Variants in ACBD6 observed in about 807,000 individuals in gnomAD.
ACBD6 encodes the protein acyl-CoA-binding domain-containing protein 6.
In ACBD6, 28 loss-of-function variants were observed where a neutral mutation model predicts 37.2. That is an observed-to-expected ratio of 0.75 (90% CI 0.56 to 1.03). The LOEUF is 1.03. Ranked by LOEUF, ACBD6 falls within the 50% of genes least tolerant of loss-of-function variation. The probability of loss-of-function intolerance (pLI) is 0.00; values close to 1 mark genes in which losing one functional copy is unlikely to be tolerated. For missense variants in ACBD6, 340 were observed against 337.4 expected (o/e 1.01, Z -0.06); for synonymous variants, 113 against 126.8 (o/e 0.89, Z 0.73).
At chr1:180,448,885 A>C (rs949690256) in intron 3 of ACBD6, among the ~76,000 whole-genome samples, 1 of 152,070 alleles carries the variant, frequency 6.6e-6, no homozygotes, top group African/African-American at 2.4e-5. Flanking sequence ...ATTTTCTCTA[A>C]TCAACTAATT....
At chr1:180,494,935 T>C (rs74796125) in intron 2 of ACBD6, among the ~76,000 whole-genome samples, 2,711 of 152,312 alleles carry the variant, frequency 0.018, 90 homozygotes, top group African/African-American at 0.061. Context: ...AGTATCTGGT[T>C]TTGGCTTTTC....
chr1:180,302,427 T>C (rs552229257), intron 7 of ACBD6, among the ~76,000 whole-genome samples: 2 of 152,148 alleles, frequency 1.3e-5, no homozygotes, highest in Non-Finnish European at 2.9e-5. Flanking sequence ...ATATTTAGGA[T>C]AGTTCGCTCT....
chr1:180,333,419 C>G (rs562891908), intron 6 of ACBD6, among the ~76,000 whole-genome samples: 1 of 152,200 alleles, frequency 6.6e-6, no homozygotes, highest in Non-Finnish European at 1.5e-5. Flanking sequence ...ATGAAAAAGG[C>G]AAATAATGTC....
At chr1:180,392,860 A>G (rs1314290923) in intron 6 of ACBD6, among the ~76,000 whole-genome samples, 1 of 151,694 alleles carries the variant, frequency 6.6e-6, no homozygotes, top group Non-Finnish European at 1.5e-5. Context: ...TATACAATTT[A>G]TATGTCATAA....
chr1:180,278,729 G>A (rs893503918), intron 9 of ACBD6: 1 of 151,818 alleles, frequency 6.6e-6, no homozygotes, highest in Non-Finnish European at 1.5e-5. Flanking sequence ...AGACCTCAAA[G>A]CCCCAGATCC....
intron 3 of ACBD6, among the ~76,000 whole-genome samples, chr1:180,441,768 T>C (rs185906321): frequency 1.6e-4 from 24 of 152,338 alleles, no homozygotes; most frequent in Admixed American, 5.2e-4. Context: ...ATACTAACTC[T>C]AGCGGTGTCT....
intron 3 of ACBD6, among the ~76,000 whole-genome samples, chr1:180,489,440 T>C (rs1651401707): frequency 6.6e-6 from 1 of 151,380 alleles, no homozygotes; most frequent in Admixed American, 6.6e-5. Flanking sequence ...TGGATTCCAA[T>C]GTTAAAATAC....
Position 180,288,314 on chromosome 1 carries a change from A to G in ACBD6, c.*49T>C. 1 of 1,612,302 alleles carries G rather than the reference A, an allele frequency of 6.2e-7. No homozygotes were observed. The highest frequency in any genetic ancestry group is 2.2e-5 in the East Asian group (1 of 44,864). The stretch of plus-strand genomic sequence containing the variant: ...AGTATTATTTTTGTAGTTTTCTTTC[A>G]TAATGGAAGCCTTATGCTATTACAG... On this transcript the variant is annotated 3_prime_UTR_variant, in exon 8 of 8. Transcript: ENST00000367595.
chr1:180,270,895 C>G (rs1648606832), exon 14 of ACBD6: 1 of 235,384 alleles, frequency 4.2e-6, no homozygotes, highest in South Asian at 5.7e-5. Flanking sequence ...TGGCTGTGAG[C>G]CCAGCGACGC....
intron 3 of ACBD6, among the ~76,000 whole-genome samples, chr1:180,434,255 T>A (rs1234149072): frequency 6.6e-5 from 10 of 152,174 alleles, no homozygotes; most frequent in Non-Finnish European, 7.3e-5. Context: ...CAATAAGATA[T>A]CAAATTCCAA....
chr1:180,492,155 C>T, intron 3 of ACBD6, 114 bp downstream of exon 3: 2 of 792,454 alleles, frequency 2.5e-6, no homozygotes, highest in Non-Finnish European at 4.2e-6. Flanking sequence ...TAAAATATTT[C>T]AAGAAAGTAA....
At chr1:180,333,701 C>T (rs1044674828) in intron 6 of ACBD6, among the ~76,000 whole-genome samples, 10 of 152,128 alleles carry the variant, frequency 6.6e-5, no homozygotes, top group African/African-American at 2.4e-4. Flanking sequence ...GAGCGTGAGC[C>T]AAAGCAGGGC....
chr1:180,502,509 T>G lies in ACBD6; in HGVS notation c.-243A>C. The G allele has an allele frequency of 1.8e-6, 1 of 550,494 alleles. No individual in the cohort carries two copies. Among genetic ancestry groups the G allele is most frequent in the Admixed American group, 3.0e-5 (1 of 33,064 alleles). 34.1% of individuals were successfully genotyped at this position (550,494 alleles called of 1,614,324 possible). A position where few individuals can be genotyped will look rare whatever the true frequency, so the allele number is the denominator to read the frequency against. On this transcript the variant is annotated 5_prime_UTR_variant, in exon 1 of 8. Transcript: ENST00000367595. ...CCAGTCGACCCGGTCTCCTCCGGCT[T>G]CCCTCCGGCCAACAGCGCGCTCAGG... is the stretch of plus-strand genomic sequence containing the variant.
rs544241344 is a variant in ACBD6, at chr1:180,442,729, T to C, written c.385-12467A>G. On this transcript the variant is annotated intron_variant, in intron 3 of 7. Coordinates refer to ENST00000367595, the MANE Select transcript of ACBD6 (RefSeq NM_032360.4). ...TCGAGCTTCAAGTTCACTGATCTTATGCAATGTCTAATCTGCTGTTAATCA... is the reference window on the plus strand; with the variant it reads ...TCGAGCTTCAAGTTCACTGATCTTACGCAATGTCTAATCTGCTGTTAATCA... Among the ~76,000 whole-genome samples the C allele has an allele frequency of 5.9e-5, 9 of 152,358 alleles. No homozygotes were observed. In the South Asian group the frequency reaches 1.2e-3, roughly 21 times the overall value.
intron 6 of ACBD6, among the ~76,000 whole-genome samples, chr1:180,389,634 C>A (rs946276401): frequency 6.6e-6 from 1 of 152,206 alleles, no homozygotes; most frequent in Non-Finnish European, 1.5e-5. Context: ...TAAAAGTGTT[C>A]CTATTTCTCC....
intron 6 of ACBD6, among the ~76,000 whole-genome samples, chr1:180,327,577 G>A (rs1651303131): frequency 6.6e-6 from 1 of 152,176 alleles, no homozygotes; most frequent in South Asian, 2.1e-4. Flanking sequence ...GACAATTGGT[G>A]GAGGGGCCTA....
intron 4 of ACBD6, 62 bp downstream of exon 4, chr1:180,430,118 C>T: frequency 7.1e-7 from 1 of 1,416,964 alleles, no homozygotes; most frequent in South Asian, 1.2e-5. Flanking sequence ...CACATACATA[C>T]AAACACATGC....
At chr1:180,493,301 C>G (rs573848283) in intron 2 of ACBD6, among the ~76,000 whole-genome samples, 1 of 117,412 alleles carries the variant, frequency 8.5e-6, no homozygotes, top group African/African-American at 3.2e-5. Context: ...CTAAAGAATA[C>G]TAATGAGTAA....
At position 180,306,437 on chromosome 1, in the gene ACBD6, G is replaced by A. The variant is rs187515307; in HGVS notation, c.694+8255C>T. ...CATTATTAGACTCTCAGAAGCACGCGTGCCCTGTTAACCCCTTCTAGTTGC... is the reference window on the plus strand; with the variant it reads ...CATTATTAGACTCTCAGAAGCACGCATGCCCTGTTAACCCCTTCTAGTTGC... On this transcript the variant is annotated intron_variant, in intron 7 of 7. Transcript: ENST00000367595. 4.6e-5 allele frequency among the ~76,000 whole-genome samples: 7 copies of A among 152,080 alleles called. No individual in the cohort carries two copies. The East Asian group carries it at 7.7e-4, about 17-fold the overall frequency.
Sources: allele counts gnomAD v4.1 joint callset (sites outside exome capture counted in the v4.1 genomes callset), GRCh38; gene constraint gnomAD v4.1.1; transcripts MANE v1.5; gene names NCBI Gene and HGNC (gene_info 2026-07-23, HGNC 2026-07-21).